FAM221A: variants seen among roughly 807,000 people sequenced by gnomAD.
FAM221A encodes protein FAM221A.
A neutral mutation model predicts 37.6 loss-of-function variants in FAM221A; 43 were observed. The observed-to-expected ratio is 1.15, with a 90% CI of 0.90 to 1.48. FAM221A has a LOEUF of 1.48. Among genes scored for constraint, FAM221A ranks in the 40% most tolerant of loss-of-function variants. The pLI is 0.00. For synonymous variants in FAM221A, 135 were observed against 132.9 expected (o/e 1.02, Z -0.11); for missense variants, 361 against 361.5 (o/e 1.00, Z 0.01).
At position 23,691,550 on chromosome 7, in the gene FAM221A, C is replaced by G; in HGVS notation, c.591C>G (p.Phe197Leu). The G allele has an allele frequency of 3.1e-6, 5 of 1,614,132 alleles. No individual in the cohort carries two copies. The highest frequency in any genetic ancestry group is 4.2e-6 in the Non-Finnish European group (5 of 1,180,012). Residue 197 changes from phenylalanine (F) to leucine (L), a missense_variant, in exon 4 of 7, where the codon TTC (phenylalanine) becomes TTG (leucine). Coordinates refer to ENST00000344962, the MANE Select transcript of FAM221A (RefSeq NM_199136.5). Reference protein sequence around the residue: ...PYAAMGGLTGFSSLAEGYMRL... With the variant: ...PYAAMGGLTGLSSLAEGYMRL... Reference sequence around the variant, plus strand: ...CAGCCATGGGAGGATTAACTGGTTTCAGCTCGCTGGCGGAAGGCTACATGC... The same window carrying G: ...CAGCCATGGGAGGATTAACTGGTTTGAGCTCGCTGGCGGAAGGCTACATGC...
At chr7:23,681,358 G>T (rs1784027125) in intron 1 of FAM221A, among the ~76,000 whole-genome samples, 1 of 152,142 alleles carries the variant, frequency 6.6e-6, no homozygotes, top group African/African-American at 2.4e-5. Context: ...GTTGACTCTT[G>T]CCTAGCTCCG....
chr7:23,702,111 G>A lies in FAM221A; in HGVS notation c.844G>A (p.Ala282Thr). 1 of 1,599,230 alleles carries A rather than the reference G, an allele frequency of 6.3e-7. No individual in the cohort carries two copies. Among genetic ancestry groups the A allele is most frequent in the Non-Finnish European group, 8.5e-7 (1 of 1,172,090 alleles). ...RYQERMKMEK[A>T]AKWKGKAPLP... Reference sequence around the variant, plus strand: ...AAATTTACAGATGAAAATGGAAAAGGCTGCTAAGTGGAAAGGAAAAGCTCC... The same window carrying A: ...AAATTTACAGATGAAAATGGAAAAGACTGCTAAGTGGAAAGGAAAAGCTCC... Residue 282 changes from alanine (A) to threonine (T), a missense_variant, in exon 7 of 7, where the codon GCT (alanine) becomes ACT (threonine). Transcript: ENST00000344962.
chr7:23,689,144 T>C, intron 2 of FAM221A, 125 bp from the exon 3 acceptor site: 2 of 606,384 alleles, frequency 3.3e-6, no homozygotes, highest in Non-Finnish European at 5.3e-6. Context: ...TATTTTCACC[T>C]TACTATGAAG....
intron 5 of FAM221A, among the ~76,000 whole-genome samples, chr7:23,699,585 C>T (rs1416721716): frequency 7.8e-6 from 1 of 128,044 alleles, no homozygotes; most frequent in Non-Finnish European, 1.6e-5. Flanking sequence ...ATCTGTTACC[C>T]AGGCTGGAGT....
chr7:23,691,591 G>T lies in FAM221A; in HGVS notation c.632G>T (p.Gly211Val). 6.2e-7 allele frequency: 1 copy of T among 1,612,460 alleles called. No homozygotes were observed. The highest frequency in any genetic ancestry group is 1.1e-5 in the South Asian group (1 of 91,026). Residue 211 changes from glycine (G) to valine (V), a missense_variant, in exon 4 of 7, where the codon GGG (glycine) becomes GTG (valine). Physicochemically the swap from Gly to Val is moderately radical, Grantham distance 109. Coordinates refer to ENST00000344962, the MANE Select transcript of FAM221A (RefSeq NM_199136.5). ...AEGYMRLDDSGIGVPSVEFLE... is the reference protein window; with the variant it reads ...AEGYMRLDDSVIGVPSVEFLE... ...GGCTACATGCGGTTAGATGACAGTG[G>T]GATTGGTAAGTGATACTATATGAAA...
intron 4 of FAM221A, among the ~76,000 whole-genome samples, 194 bp downstream of exon 4, chr7:23,691,790 C>T (rs920579608): frequency 6.6e-6 from 1 of 151,804 alleles, no homozygotes; most frequent in African/African-American, 2.4e-5. Flanking sequence ...TATTTAGTAT[C>T]CATAAAAGAG....
intron 3 of FAM221A, among the ~76,000 whole-genome samples, chr7:23,690,199 A>ATATTTTTTTTTTTT (rs774313037): frequency 4.1e-5 from 2 of 48,738 alleles, no homozygotes; most frequent in South Asian, 2.4e-3. Context: ...ATATATATAT[A>ATATTTTTTTTTTTT]TTTTTTTTTT....
At chr7:23,693,997 C>T (rs766973547) in intron 4 of FAM221A, 3 of 152,200 alleles carry the variant, frequency 2.0e-5, no homozygotes, top group Non-Finnish European at 4.4e-5. Context: ...CCACTCGCCT[C>T]CCACCCTCTG....
chr7:23,684,788 G>A (rs1399297812), intron 2 of FAM221A, 116 bp downstream of exon 2: 11 of 997,118 alleles, frequency 1.1e-5, no homozygotes, highest in African/African-American at 3.3e-5. Flanking sequence ...TTATATAGTA[G>A]AGTAGAAATT....
chr7:23,690,199 ATTTT>A (rs398004023), intron 3 of FAM221A, among the ~76,000 whole-genome samples: 3 of 48,736 alleles, frequency 6.2e-5, no homozygotes, highest in East Asian at 8.5e-4. Flanking sequence ...ATATATATAT[ATTTT>A]TTTTTTTTTT....
intron 4 of FAM221A, 104 bp from the exon 5 acceptor site, chr7:23,698,088 C>A (rs1446673098): frequency 8.7e-6 from 6 of 691,924 alleles, no homozygotes. Flanking sequence ...GAAAGAATTT[C>A]TAATAATTCT....
chr7:23,690,626 A>G lies in FAM221A; in HGVS notation c.431-764A>G, dbSNP rs138343456. On this transcript the variant is annotated intron_variant, in intron 3 of 6. Transcript: ENST00000344962. ...ACGACTTTTCTAAGATGCAATTCAC[A>G]TGTCATACAATTAACCTATTTAAAA... Among the ~76,000 whole-genome samples the G allele has an allele frequency of 4.0e-3, 607 of 152,298 alleles. 5 individuals are homozygous for G. Among genetic ancestry groups the G allele is most frequent in the African/African-American group, 0.014 (589 of 41,566 alleles).
At chr7:23,692,553 G>T in intron 4 of FAM221A, 1 of 442,192 alleles carries the variant, frequency 2.3e-6, no homozygotes, top group Non-Finnish European at 3.0e-6. Flanking sequence ...TGTTGGTCAG[G>T]CTGGTCTCGA....
intron 3 of FAM221A, among the ~76,000 whole-genome samples, chr7:23,690,200 T>TATATATATATATATATATATATATATA: frequency 5.4e-5 from 1 of 18,608 alleles, no homozygotes; most frequent in East Asian, 1.3e-3. Flanking sequence ...TATATATATA[T>TATATATATATATATATATATATATATA]TTTTTTTTTT....
intron 4 of FAM221A, 59 bp from the exon 5 acceptor site, chr7:23,698,133 T>A: frequency 1.1e-6 from 1 of 908,404 alleles, no homozygotes; most frequent in Non-Finnish European, 1.8e-6. Flanking sequence ...TTAGAAGTAA[T>A]AACTTGTTTG....
At chr7:23,690,199 A>ATTTTTTTTTTTTTT in intron 3 of FAM221A, among the ~76,000 whole-genome samples, 1 of 48,738 alleles carries the variant, frequency 2.1e-5, no homozygotes, top group African/African-American at 8.5e-5. Flanking sequence ...ATATATATAT[A>ATTTTTTTTTTTTTT]TTTTTTTTTT....
At chr7:23,689,085 C>A in intron 2 of FAM221A, 184 bp from the exon 3 acceptor site, 3 of 429,364 alleles carry the variant, frequency 7.0e-6, no homozygotes, top group Non-Finnish European at 8.2e-6. Flanking sequence ...TAAAGATTTC[C>A]TCTGACCAAA....
chr7:23,691,556 G>T lies in FAM221A; in HGVS notation c.597G>T (p.Ser199=). 1 of 1,614,150 alleles carries T rather than the reference G, an allele frequency of 6.2e-7. No individual in the cohort carries two copies. The highest frequency in any genetic ancestry group is 8.5e-7 in the Non-Finnish European group (1 of 1,180,012). Residue 199 remains serine (S), a synonymous_variant, in exon 4 of 7, where the codon TCG becomes TCT. Coordinates refer to ENST00000344962, the MANE Select transcript of FAM221A (RefSeq NM_199136.5). The part of the protein sequence containing the change: ...AAMGGLTGFS[S]LAEGYMRLDD... ...TGGGAGGATTAACTGGTTTCAGCTC[G>T]CTGGCGGAAGGCTACATGCGGTTAG...
At chr7:23,682,513 C>A (rs1479056160) in intron 1 of FAM221A, among the ~76,000 whole-genome samples, 7 of 150,798 alleles carry the variant, frequency 4.6e-5, no homozygotes, top group Non-Finnish European at 5.9e-5. Flanking sequence ...CTCACTGTAA[C>A]CTCTGCCTCC....
Sources: allele counts gnomAD v4.1 joint callset (sites outside exome capture counted in the v4.1 genomes callset), GRCh38; gene constraint gnomAD v4.1.1; transcripts MANE v1.5; gene names NCBI Gene and HGNC (gene_info 2026-07-23, HGNC 2026-07-21).